The following PRKCE variants were observed in gnomAD, a reference collection of about 807,000 sequenced individuals.
PRKCE encodes protein kinase C epsilon type.
PRKCE carries 16 observed loss-of-function variants against 85.4 expected under a neutral mutation model. The ratio of observed to expected loss-of-function variants is 0.19; its 90% CI spans 0.13 to 0.28. The LOEUF is 0.28. Ranked by LOEUF, PRKCE falls within the 10% of genes least tolerant of loss-of-function variation. The probability of loss-of-function intolerance (pLI) is 1.00; values close to 1 mark genes in which losing one functional copy is unlikely to be tolerated. For missense variants in PRKCE, 573 were observed against 975.2 expected, an observed-to-expected ratio of 0.59 and a Z score of 5.49; for synonymous variants, 388 against 371.5, an observed-to-expected ratio of 1.04 and a Z score of -0.51.
chr2:45,967,474 C>T (rs1701810032), intron 2 of PRKCE, among the ~76,000 whole-genome samples: 1 of 152,132 alleles, frequency 6.6e-6, no homozygotes, highest in African/African-American at 2.4e-5. Flanking sequence ...AGGGGCCAGG[C>T]TTCCACCACC....
At chr2:45,910,496 A>G (rs767974920) in intron 2 of PRKCE, among the ~76,000 whole-genome samples, 10 of 152,158 alleles carry the variant, frequency 6.6e-5, no homozygotes, top group Admixed American at 2.6e-4. Flanking sequence ...AGCACCTTAC[A>G]TGGGAGTAGG....
intron 11 of PRKCE, among the ~76,000 whole-genome samples, chr2:46,118,258 A>T (rs1672967644): frequency 6.6e-6 from 1 of 152,298 alleles, no homozygotes; most frequent in African/African-American, 2.4e-5. Flanking sequence ...CCAGGAGGAA[A>T]CCTACCTGAA....
At chr2:45,933,140 C>G (rs930049446) in intron 2 of PRKCE, among the ~76,000 whole-genome samples, 1 of 152,162 alleles carries the variant, frequency 6.6e-6, no homozygotes, top group Non-Finnish European at 1.5e-5. Flanking sequence ...AGTGCCTACA[C>G]AAGTCTTTTG....
chr2:45,669,685 T>A (rs1676066982), intron 1 of PRKCE, among the ~76,000 whole-genome samples: 1 of 152,144 alleles, frequency 6.6e-6, no homozygotes, highest in African/African-American at 2.4e-5. Flanking sequence ...GGCACCTTTT[T>A]GGAAAGCAAA....
chr2:46,178,228 C>G (rs1477518559), intron 14 of PRKCE, among the ~76,000 whole-genome samples: 1 of 152,168 alleles, frequency 6.6e-6, no homozygotes, highest in African/African-American at 2.4e-5. Context: ...CTATTGCACT[C>G]CAGCCTGGGC....
chr2:45,860,554 C>T (rs1441455253), intron 2 of PRKCE, among the ~76,000 whole-genome samples: 1 of 152,160 alleles, frequency 6.6e-6, no homozygotes, highest in South Asian at 2.1e-4. Flanking sequence ...TTTTCAAACC[C>T]TGTTAGCTTT....
At position 45,744,568 on chromosome 2, in the gene PRKCE, TCCTTCCTTTC is replaced by T. The variant is rs1237193242; in HGVS notation, c.348+92121_348+92130del. On this transcript the variant is annotated intron_variant, in intron 1 of 14. Transcript: ENST00000306156. ...TTTCTTTCTTCCTTCCTTCCTTCCT[TCCTTCCTTTC>T]TTTTTCTTTCTTTCTTTCCTCCTTA... 1.4e-4 allele frequency among the ~76,000 whole-genome samples: 15 copies of T among 110,520 alleles called. 1 individual carries two copies. Among genetic ancestry groups the T allele is most frequent in the East Asian group, 1.1e-3 (3 of 2,738 alleles). The allele number at this position is 110,520 out of a possible 152,430, so 72.5% of individuals were successfully genotyped here.
chr2:46,177,665 A>G (rs369195199), intron 14 of PRKCE, among the ~76,000 whole-genome samples: 17 of 152,346 alleles, frequency 1.1e-4, no homozygotes, highest in African/African-American at 4.1e-4. Flanking sequence ...ACGTCTGCAA[A>G]GAACTTATTT....
At chr2:45,999,538 A>G (rs1704496755) in intron 6 of PRKCE, among the ~76,000 whole-genome samples, 1 of 151,774 alleles carries the variant, frequency 6.6e-6, no homozygotes. Flanking sequence ...TTTAGAAATT[A>G]TATGCCTTGG....
At chr2:46,098,326 C>G (rs757855667) in intron 11 of PRKCE, among the ~76,000 whole-genome samples, 3 of 151,426 alleles carry the variant, frequency 2.0e-5, no homozygotes, top group South Asian at 2.1e-4. Context: ...TTACTCCCCC[C>G]CCAACCCACA....
chr2:45,946,341 T>C (rs1390382652), intron 2 of PRKCE, among the ~76,000 whole-genome samples: 2 of 152,204 alleles, frequency 1.3e-5, no homozygotes, highest in African/African-American at 2.4e-5. Flanking sequence ...TGAATCTACT[T>C]TCCATTTAAA....
chr2:45,884,703 A>C (rs1237091373), intron 2 of PRKCE, among the ~76,000 whole-genome samples: 1 of 152,006 alleles, frequency 6.6e-6, no homozygotes, highest in Non-Finnish European at 1.5e-5. Flanking sequence ...TGGGCTCTTA[A>C]AGTGATTTTT....
At chr2:45,925,438 A>G (rs961457413) in intron 2 of PRKCE, among the ~76,000 whole-genome samples, 1 of 152,090 alleles carries the variant, frequency 6.6e-6, no homozygotes, top group Non-Finnish European at 1.5e-5. Context: ...CTGGGATTAC[A>G]GGCACCACCA....
At chr2:45,717,035 G>T (rs567018400) in intron 1 of PRKCE, among the ~76,000 whole-genome samples, 2 of 59,532 alleles carry the variant, frequency 3.4e-5, no homozygotes, top group Admixed American at 1.7e-4. Flanking sequence ...GGGATTATGG[G>T]TACTACAAGA....
intron 2 of PRKCE, among the ~76,000 whole-genome samples, chr2:45,922,097 G>A (rs988082987): frequency 6.6e-6 from 1 of 152,142 alleles, no homozygotes; most frequent in Non-Finnish European, 1.5e-5. Context: ...GCATCACTTG[G>A]TGTGAATGTG....
Position 45,831,053 on chromosome 2 carries a change from GA to G in PRKCE, c.349-11945del, listed in dbSNP as rs549861355. Among the ~76,000 whole-genome samples, 22 of 152,376 alleles carry G rather than the reference GA, an allele frequency of 1.4e-4. No homozygotes were observed. The East Asian group carries it at 4.2e-3, about 29-fold the overall frequency. On this transcript the variant is annotated intron_variant, in intron 1 of 14. Transcript: ENST00000306156. Reference sequence around the variant, plus strand: ...AGAGAGCGTCAGCTCAGATCAGGGAGAATAGGACAGTGGGGTGTCCTGATAG... The same window carrying G: ...AGAGAGCGTCAGCTCAGATCAGGGAGATAGGACAGTGGGGTGTCCTGATAG...
intron 1 of PRKCE, among the ~76,000 whole-genome samples, chr2:45,785,157 A>G (rs1329663113): frequency 6.6e-6 from 1 of 152,184 alleles, no homozygotes; most frequent in Admixed American, 6.5e-5. Context: ...AATTTTCTTA[A>G]GTTGTATTAT....
At chr2:46,160,231 G>A (rs1574633226) in intron 14 of PRKCE, among the ~76,000 whole-genome samples, 2 of 152,194 alleles carry the variant, frequency 1.3e-5, no homozygotes, top group South Asian at 4.1e-4. Context: ...GCTGGGGGGA[G>A]CTTCTGGGAG....
At chr2:46,163,634 G>A (rs562749842) in intron 14 of PRKCE, among the ~76,000 whole-genome samples, 1 of 130,694 alleles carries the variant, frequency 7.7e-6, no homozygotes, top group African/African-American at 3.0e-5. Context: ...CCCCACAGAG[G>A]CCACTGAGAG....
Sources: allele counts gnomAD v4.1 joint callset (sites outside exome capture counted in the v4.1 genomes callset), GRCh38; gene constraint gnomAD v4.1.1; transcripts MANE v1.5; gene names NCBI Gene and HGNC (gene_info 2026-07-23, HGNC 2026-07-21).